Variants in ATG5 observed in about 807,000 individuals in gnomAD.
ATG5 encodes the protein autophagy protein 5.
In ATG5, 14 loss-of-function variants were observed where a neutral mutation model predicts 36.5. That is an observed-to-expected ratio of 0.38 (90% CI 0.25 to 0.60). The LOEUF is 0.60. Ranked by LOEUF, ATG5 falls within the 20% of genes least tolerant of loss-of-function variation. The pLI, the probability that ATG5 is intolerant of heterozygous loss-of-function variation, is 0.60. For missense variants in ATG5, 195 were observed against 326.7 expected (o/e 0.60, Z 3.11); for synonymous variants, 95 against 101.5 (o/e 0.94, Z 0.38).
intron 6 of ATG5, among the ~76,000 whole-genome samples, chr6:106,220,589 T>C (rs926220085): frequency 3.9e-5 from 6 of 152,174 alleles, no homozygotes; most frequent in African/African-American, 1.4e-4. Flanking sequence ...TATTACCTAC[T>C]TAAAATTATT....
intron 3 of ATG5, among the ~76,000 whole-genome samples, chr6:106,302,062 G>A (rs997299310): frequency 2.0e-5 from 3 of 151,984 alleles, no homozygotes; most frequent in African/African-American, 4.8e-5. Flanking sequence ...AAGTACACAC[G>A]TAGTGTAGAG....
At chr6:106,324,376 A>AGAT (rs1200783873) in intron 1 of ATG5, among the ~76,000 whole-genome samples, 1 of 152,184 alleles carries the variant, frequency 6.6e-6, no homozygotes, top group Non-Finnish European at 1.5e-5. Flanking sequence ...ATTTTATATC[A>AGAT]GGGACTTGAG....
At chr6:106,215,271 C>G (rs1228992498) in intron 6 of ATG5, among the ~76,000 whole-genome samples, 2 of 152,182 alleles carry the variant, frequency 1.3e-5, no homozygotes, top group African/African-American at 4.8e-5. Context: ...TCTCTTGATG[C>G]CCAGTTAAGT....
intron 5 of ATG5, among the ~76,000 whole-genome samples, chr6:106,279,097 C>T (rs1202380481): frequency 6.6e-6 from 1 of 152,162 alleles, no homozygotes; most frequent in Non-Finnish European, 1.5e-5. Flanking sequence ...TTTGAAGGCA[C>T]TAGAGGGTGA....
At chr6:106,186,754 C>T in intron 7 of ATG5, 78 bp from the exon 8 acceptor site, 1 of 1,489,122 alleles carries the variant, frequency 6.7e-7, no homozygotes, top group East Asian at 2.3e-5. Context: ...TTTTGAGAAT[C>T]CTTAGTGCAT....
At chr6:106,311,889 G>C (rs1044201074) in intron 2 of ATG5, among the ~76,000 whole-genome samples, 4 of 150,640 alleles carry the variant, frequency 2.7e-5, no homozygotes, top group Non-Finnish European at 4.4e-5. Flanking sequence ...GGAGTACAAA[G>C]GCAAGATCTC....
At chr6:106,247,649 T>A (rs78518456) in intron 6 of ATG5, among the ~76,000 whole-genome samples, 144 of 152,358 alleles carry the variant, frequency 9.5e-4, no homozygotes, top group African/African-American at 3.3e-3. Flanking sequence ...TGTGTGTTTC[T>A]GTTTAAAAAG....
At chr6:106,315,791 T>C (rs907586238) in intron 2 of ATG5, among the ~76,000 whole-genome samples, 2 of 152,100 alleles carry the variant, frequency 1.3e-5, no homozygotes, top group Non-Finnish European at 2.9e-5. Context: ...TATATGAATA[T>C]ATGCATAAGA....
chr6:106,266,757 A>T (rs984257953), intron 5 of ATG5, among the ~76,000 whole-genome samples: 3 of 152,200 alleles, frequency 2.0e-5, no homozygotes, highest in Non-Finnish European at 4.4e-5. Flanking sequence ...AAACCACATG[A>T]TTCTCTCAAT....
intron 6 of ATG5, among the ~76,000 whole-genome samples, chr6:106,236,377 A>G (rs541318127): frequency 9.1e-4 from 139 of 152,316 alleles, no homozygotes; most frequent in African/African-American, 3.2e-3. Context: ...GAAAGTAAGC[A>G]TATGTTGAAT....
At chr6:106,306,990 C>T (rs140432778) in intron 3 of ATG5, among the ~76,000 whole-genome samples, 46 of 152,318 alleles carry the variant, frequency 3.0e-4, no homozygotes, top group African/African-American at 9.9e-4. Flanking sequence ...TATAACAAGA[C>T]AACTGTGTCA....
intron 6 of ATG5, among the ~76,000 whole-genome samples, chr6:106,211,579 G>A (rs1004496135): frequency 6.6e-6 from 1 of 152,134 alleles, no homozygotes; most frequent in Non-Finnish European, 1.5e-5. Context: ...GAGTGGTGGC[G>A]TGCATCTGTA....
intron 6 of ATG5, among the ~76,000 whole-genome samples, chr6:106,208,500 A>G (rs1395859963): frequency 2.0e-5 from 3 of 152,206 alleles, no homozygotes; most frequent in Non-Finnish European, 4.4e-5. Context: ...TGTAAGCTAA[A>G]AAGTCCAGAA....
chr6:106,229,792 G>C lies in ATG5; in HGVS notation c.573+18358C>G, dbSNP rs535547402. ...GGCCCAAATGCATTCAATCTGTAGC[G>C]GCAACTGCTTTGCTAACAGAAAAAA... On this transcript the variant is annotated intron_variant, in intron 6 of 7. Coordinates refer to ENST00000369076, the MANE Select transcript of ATG5 (RefSeq NM_004849.4). Among the ~76,000 whole-genome samples, 58 of 152,222 alleles carry C rather than the reference G, an allele frequency of 3.8e-4. No homozygotes were observed. In the South Asian group the frequency reaches 8.9e-3, roughly 23 times the overall value.
chr6:106,194,630 T>G (rs377479410), intron 7 of ATG5, among the ~76,000 whole-genome samples: 2 of 152,024 alleles, frequency 1.3e-5, no homozygotes, highest in East Asian at 3.9e-4. Context: ...CTCTGGCTCC[T>G]GGGTTCAACC....
chr6:106,203,451 A>G (rs1776513644), intron 6 of ATG5, among the ~76,000 whole-genome samples: 1 of 152,196 alleles, frequency 6.6e-6, no homozygotes, highest in African/African-American at 2.4e-5. Context: ...TGCCAACCAC[A>G]GAGTAAATAA....
chr6:106,296,333 A>C (rs1769932709), intron 3 of ATG5, among the ~76,000 whole-genome samples: 2 of 152,244 alleles, frequency 1.3e-5, no homozygotes, highest in Admixed American at 6.5e-5. Context: ...CCTATGTATC[A>C]AAACATTTTA....
intron 5 of ATG5, among the ~76,000 whole-genome samples, chr6:106,271,321 T>C (rs1008007915): frequency 1.3e-5 from 2 of 152,194 alleles, no homozygotes; most frequent in African/African-American, 4.8e-5. Flanking sequence ...ACATGATAGA[T>C]AAAGTGGTGG....
chr6:106,262,264 C>T (rs543438169), intron 5 of ATG5, among the ~76,000 whole-genome samples: 1 of 152,138 alleles, frequency 6.6e-6, no homozygotes, highest in Non-Finnish European at 1.5e-5. Context: ...TGGGGTTTCA[C>T]CACGTTGGTC....
Sources: allele counts gnomAD v4.1 joint callset (sites outside exome capture counted in the v4.1 genomes callset), GRCh38; gene constraint gnomAD v4.1.1; transcripts MANE v1.5; gene names NCBI Gene and HGNC (gene_info 2026-07-23, HGNC 2026-07-21).